Variants in ITPR2 observed in about 807,000 individuals in gnomAD.
ITPR2 encodes inositol 1,4,5-trisphosphate receptor type 2.
A neutral mutation model predicts 317.1 loss-of-function variants in ITPR2; 207 were observed. The observed-to-expected ratio is 0.65, with a 90% confidence interval of 0.58 to 0.73. The LOEUF (loss-of-function observed/expected upper bound fraction) is 0.73, where lower values mean the gene tolerates loss of function less well. ITPR2 is among the 30% of genes least tolerant of loss of function. The pLI is 0.00. For synonymous variants in ITPR2, 1,156 were observed against 1,149.1 expected, an observed-to-expected ratio of 1.01 and a Z score of -0.12; for missense variants, 2,613 against 3,284.0, an observed-to-expected ratio of 0.80 and a Z score of 4.99.
At chr12:26,495,854 A>T (rs556439898) in intron 37 of ITPR2, among the ~76,000 whole-genome samples, 1 of 152,184 alleles carries the variant, frequency 6.6e-6, no homozygotes, top group Non-Finnish European at 1.5e-5. Flanking sequence ...GGAACAGAGC[A>T]GGTACTCAAA....
At chr12:26,646,548 G>A (rs1463589) in intron 21 of ITPR2, among the ~76,000 whole-genome samples, 41,743 of 151,936 alleles carry the variant, frequency 0.27, 6,545 homozygotes, top group East Asian at 0.64. Context: ...TAGGGCAAGG[G>A]GTACTCCTGG....
intron 37 of ITPR2, among the ~76,000 whole-genome samples, chr12:26,522,957 G>A (rs762713953): frequency 6.6e-6 from 1 of 152,220 alleles, no homozygotes; most frequent in Non-Finnish European, 1.5e-5. Flanking sequence ...GAAGCATTCT[G>A]CATAACATTT....
chr12:26,465,464 C>T (rs1366715472), intron 45 of ITPR2, among the ~76,000 whole-genome samples: 1 of 152,074 alleles, frequency 6.6e-6, no homozygotes, highest in African/African-American at 2.4e-5. Context: ...CTTTTGAGCA[C>T]TTTTGCTATA....
At chr12:26,403,090 T>C (rs966175561) in intron 52 of ITPR2, among the ~76,000 whole-genome samples, 6 of 152,198 alleles carry the variant, frequency 3.9e-5, no homozygotes, top group Admixed American at 1.3e-4. Context: ...GGGTATCACC[T>C]GAGTTGGATT....
At position 26,831,484 on chromosome 12, in the gene ITPR2, G is replaced by A. The variant is rs1287710334; in HGVS notation, c.92+1206C>T. On this transcript the variant is annotated intron_variant, in intron 1 of 56. Coordinates refer to ENST00000381340, the MANE Select transcript of ITPR2 (RefSeq NM_002223.4). The surrounding 1 kb of genome is among the most constrained non-coding windows in gnomAD (Gnocchi z 4.9). ...ACAGCTGAAAACAGTAGCCAGACAG[G>A]AGTGGAAACACCAGTTCCACAGCCT... Among the ~76,000 whole-genome samples, 1 of 152,050 alleles carries A rather than the reference G, an allele frequency of 6.6e-6. No individual in the cohort carries two copies. The highest frequency in any genetic ancestry group is 2.4e-5 in the African/African-American group (1 of 41,382).
intron 46 of ITPR2, among the ~76,000 whole-genome samples, chr12:26,442,478 A>G (rs1941509337): frequency 6.6e-6 from 1 of 152,118 alleles, no homozygotes; most frequent in South Asian, 2.1e-4. Context: ...TCTCACCCGC[A>G]TTAACCAAAC....
At chr12:26,488,453 G>A (rs1942722524) in intron 39 of ITPR2, among the ~76,000 whole-genome samples, 1 of 152,018 alleles carries the variant, frequency 6.6e-6, no homozygotes, top group Non-Finnish European at 1.5e-5. Flanking sequence ...ATGACATCAG[G>A]TCTTGAAATG....
chr12:26,454,287 C>A (rs1273107632), intron 45 of ITPR2, among the ~76,000 whole-genome samples: 1 of 152,134 alleles, frequency 6.6e-6, no homozygotes, highest in African/African-American at 2.4e-5. Flanking sequence ...TGATGGCAAC[C>A]TCTGCCTCCC....
intron 21 of ITPR2, among the ~76,000 whole-genome samples, chr12:26,646,483 C>T (rs1947117013): frequency 6.6e-6 from 1 of 152,178 alleles, no homozygotes; most frequent in African/African-American, 2.4e-5. Context: ...AAGCAAGTGG[C>T]TCTTTGCCAG....
At chr12:26,814,645 A>G (rs1950817944) in intron 1 of ITPR2, among the ~76,000 whole-genome samples, 2 of 152,156 alleles carry the variant, frequency 1.3e-5, no homozygotes, top group Non-Finnish European at 2.9e-5. Flanking sequence ...AGAGTTTATA[A>G]AGTGGTTTAT....
At chr12:26,510,181 A>G (rs1943301245) in intron 37 of ITPR2, among the ~76,000 whole-genome samples, 1 of 152,172 alleles carries the variant, frequency 6.6e-6, no homozygotes, top group Admixed American at 6.5e-5. Flanking sequence ...ACCATATTGA[A>G]TTATGCCAGC....
intron 26 of ITPR2, among the ~76,000 whole-genome samples, chr12:26,618,986 T>G (rs547881365): frequency 2.0e-4 from 31 of 152,332 alleles, no homozygotes; most frequent in Admixed American, 1.4e-3. Flanking sequence ...TGATAGTGGT[T>G]TCCTCTGTTA....
chr12:26,661,133 C>T (rs1947486827), intron 15 of ITPR2, among the ~76,000 whole-genome samples: 1 of 151,794 alleles, frequency 6.6e-6, no homozygotes, highest in Admixed American at 6.6e-5. Flanking sequence ...TAAAATATAA[C>T]CCTTAACAAA....
chr12:26,416,431 T>A (rs1940722786), intron 50 of ITPR2, among the ~76,000 whole-genome samples: 1 of 152,182 alleles, frequency 6.6e-6, no homozygotes, highest in Non-Finnish European at 1.5e-5. Flanking sequence ...TTGGAATAAT[T>A]GAGGTTTGTC....
intron 46 of ITPR2, among the ~76,000 whole-genome samples, chr12:26,440,800 T>C (rs1222878181): frequency 6.6e-6 from 1 of 152,140 alleles, no homozygotes; most frequent in Non-Finnish European, 1.5e-5. Flanking sequence ...CATGTCTAGA[T>C]TATTATAAGC....
chr12:26,525,536 G>A (rs976376042), intron 37 of ITPR2, among the ~76,000 whole-genome samples: 1 of 152,090 alleles, frequency 6.6e-6, no homozygotes. Flanking sequence ...TGACTGTAAG[G>A]TGAATTCCAT....
At chr12:26,740,649 C>T (rs146531420) in intron 2 of ITPR2, among the ~76,000 whole-genome samples, 171 of 152,202 alleles carry the variant, frequency 1.1e-3, no homozygotes, top group South Asian at 4.8e-3. Flanking sequence ...CCCTGAGATA[C>T]GGAAATGGAT....
intron 39 of ITPR2, among the ~76,000 whole-genome samples, chr12:26,493,734 G>A (rs1942863527): frequency 6.6e-6 from 1 of 152,050 alleles, no homozygotes; most frequent in Non-Finnish European, 1.5e-5. Flanking sequence ...AAAAAGACTG[G>A]AGGACAATGT....
chr12:26,708,249 T>G (rs1479676565), intron 9 of ITPR2, among the ~76,000 whole-genome samples: 14 of 152,144 alleles, frequency 9.2e-5, no homozygotes, highest in Non-Finnish European at 4.4e-5. Flanking sequence ...CTGCTAGGTA[T>G]ACACCCAAAA....
Sources: gnomAD v4.1 joint callset for allele counts (sites outside exome capture counted in the v4.1 genomes callset) on GRCh38, gnomAD v4.1.1 for gene constraint, Gnocchi (gnomAD v3.1) non-coding constraint, MANE v1.5 for transcripts, NCBI Gene and HGNC (gene_info 2026-07-23, HGNC 2026-07-21) for gene names.